Variants in ZFPM1 observed in about 807,000 individuals in gnomAD.
The protein encoded by ZFPM1 is zinc finger protein, FOG family member 1, also known as zinc finger protein ZFPM1.
In ZFPM1, 28 loss-of-function variants were observed where a neutral mutation model predicts 46.3. The ratio of observed to expected loss-of-function variants is 0.60; its 90% CI spans 0.45 to 0.83. ZFPM1 has a LOEUF of 0.83. Among genes scored for constraint, ZFPM1 ranks in the 40% least tolerant of loss-of-function variants. The pLI is 0.00. For synonymous variants in ZFPM1, 957 were observed against 675.9 expected, an observed-to-expected ratio of 1.42 and a Z score of -6.45; for missense variants, 1,878 against 1,432.4, an observed-to-expected ratio of 1.31 and a Z score of -5.02.
chr16:88,468,809 G>C (rs945697229), intron 1 of ZFPM1: 8 of 152,124 alleles, frequency 5.3e-5, no homozygotes, highest in Non-Finnish European at 1.5e-5. Flanking sequence ...CTGCTGTGTG[G>C]GGGCAGGGCC....
intron 1 of ZFPM1, among the ~76,000 whole-genome samples, chr16:88,457,916 G>A (rs987266997): frequency 6.6e-5 from 10 of 152,196 alleles, no homozygotes; most frequent in Non-Finnish European, 1.2e-4. Context: ...GCTCTGGGCC[G>A]ATTGTGGTTT....
At position 88,497,781 on chromosome 16, in the gene ZFPM1, G is replaced by A. The variant is rs1449728716; in HGVS notation, c.268+8628G>A. Among the ~76,000 whole-genome samples the A allele has an allele frequency of 2.0e-5, 3 of 152,178 alleles. No individual in the cohort carries two copies. The highest frequency in any genetic ancestry group is 1.5e-5 in the Non-Finnish European group (1 of 68,014). On this transcript the variant is annotated intron_variant, in intron 3 of 9. Transcript: ENST00000319555. The surrounding 1 kb of genome is among the most constrained non-coding windows in gnomAD (Gnocchi z 5.4). The stretch of plus-strand genomic sequence containing the variant: ...CCGCCCCAGGGTCCCGACAGGGCCC[G>A]CCCGAGGCTGGGAATCCTCACCCGA...
Position 88,532,017 on chromosome 16 carries a change from G to A in ZFPM1, c.728G>A (p.Cys243Tyr). 6.2e-7 allele frequency: 1 copy of A among 1,606,786 alleles called. No individual in the cohort carries two copies. Among genetic ancestry groups the A allele is most frequent in the Non-Finnish European group, 8.5e-7 (1 of 1,175,514 alleles). The change falls in exon 7 of 10, where the codon TGC becomes TAC. Residue 243 changes from cysteine to tyrosine, a missense_variant. Physicochemically the swap from Cys to Tyr is radical, Grantham distance 194. Coordinates refer to ENST00000319555, the MANE Select transcript of ZFPM1 (RefSeq NM_153813.3). ...TAVINKDVFP[C>Y]KDCGIWYRSE... The stretch of plus-strand genomic sequence containing the variant: ...CACCCCACAGAAGACGTCTTCCCCT[G>A]CAAGGACTGTGGCATCTGGTACCGC...
chr16:88,535,982 G>A lies in ZFPM1; in HGVS notation c.*1003G>A, dbSNP rs1388951557. 1 of 151,932 alleles carries A rather than the reference G, an allele frequency of 6.6e-6. No individual in the cohort carries two copies. The highest frequency in any genetic ancestry group is 3.2e-3 in the Middle Eastern group (1 of 316). The allele number at this position is 151,932 out of a possible 1,614,324, so 9.4% of individuals were successfully genotyped here. ...ACGTCACTTTATTTTTTTATTTTTGGGTCTCACTCTCTTGCCCAGGCTGGA... is the reference window on the plus strand; with the variant it reads ...ACGTCACTTTATTTTTTTATTTTTGAGTCTCACTCTCTTGCCCAGGCTGGA... On this transcript the variant is annotated 3_prime_UTR_variant, in exon 10 of 10. Transcript: ENST00000319555.
At chr16:88,491,548 C>T (rs1909575431) in intron 3 of ZFPM1, among the ~76,000 whole-genome samples, 1 of 152,210 alleles carries the variant, frequency 6.6e-6, no homozygotes. Context: ...GTTTGATCGC[C>T]ACCCCAAGGG....
intron 1 of ZFPM1, among the ~76,000 whole-genome samples, chr16:88,466,023 G>A (rs974497616): frequency 1.3e-5 from 2 of 152,226 alleles, no homozygotes; most frequent in Non-Finnish European, 2.9e-5. Flanking sequence ...TGGCCCGGCC[G>A]CTCCCTCGCT....
intron 1 of ZFPM1, among the ~76,000 whole-genome samples, chr16:88,456,904 A>G (rs985991211): frequency 1.3e-5 from 2 of 152,174 alleles, no homozygotes; most frequent in South Asian, 4.1e-4. Flanking sequence ...ACCCTAGGCC[A>G]TCTGGGTAGG....
In ZFPM1 at chr16:88,497,560, G is replaced by A. The variant is rs1409624173; in HGVS notation, c.268+8407G>A. ...ATGGGGTTCAGCGGGGTCAGGGCGG[G>A]GGCTCAGTGCCAGGGACTGCAAGGA... On this transcript the variant is annotated intron_variant, in intron 3 of 9. Transcript: ENST00000319555. This position sits in a 1 kb window ranked among gnomAD's most constrained non-coding sequence, Gnocchi z 5.4. Among the ~76,000 whole-genome samples the A allele has an allele frequency of 6.6e-6, 1 of 152,010 alleles. No individual in the cohort carries two copies. Among genetic ancestry groups the A allele is most frequent in the African/African-American group, 2.4e-5 (1 of 41,378 alleles).
intron 1 of ZFPM1, among the ~76,000 whole-genome samples, chr16:88,484,225 G>A (rs1320977933): frequency 6.6e-6 from 1 of 152,198 alleles, no homozygotes; most frequent in Non-Finnish European, 1.5e-5. Flanking sequence ...GAGGCACCAG[G>A]TTTCATCAGA....
At chr16:88,526,992 T>A (rs935771686) in intron 5 of ZFPM1, 76 bp downstream of exon 5, 2 of 1,489,352 alleles carry the variant, frequency 1.3e-6, no homozygotes, top group African/African-American at 2.8e-5. Context: ...GGCTGAGCCC[T>A]TAAAGGGAAA....
chr16:88,484,037 T>A (rs1257578092), intron 1 of ZFPM1, among the ~76,000 whole-genome samples: 1 of 152,194 alleles, frequency 6.6e-6, no homozygotes, highest in African/African-American at 2.4e-5. Context: ...GGCAGGTGTT[T>A]CGGGCGTTAG....
rs370861545 is a variant in ZFPM1 at position 88,471,418 on chromosome 16, G to T, written c.41-14521G>T. ...CCACAGTGGCTCCCACGCATAGTGG[G>T]GGGGCCAAGACCCCAAGATGACCAT... On this transcript the variant is annotated intron_variant, in intron 1 of 9. Transcript: ENST00000319555. The surrounding 1 kb of genome is among the most constrained non-coding windows in gnomAD (Gnocchi z 4.1). Among the ~76,000 whole-genome samples the T allele has an allele frequency of 6.7e-6, 1 of 148,344 alleles. No homozygotes were observed. The highest frequency in any genetic ancestry group is 6.7e-5 in the Admixed American group (1 of 15,026).
At chr16:88,491,091 CGCTGGTGCCTTCGGGGGTCCCAGTCAGGT>C (rs1555524821) in intron 3 of ZFPM1, among the ~76,000 whole-genome samples, 19 of 150,750 alleles carry the variant, frequency 1.3e-4, no homozygotes, top group East Asian at 9.7e-4. Flanking sequence ...CCCAGTCAGG[CGCTGGTGCCTTCGGGGGTCCCAGTCAGGT>C]GCTGGTGCCT....
At chr16:88,525,907 T>C (rs1430020928) in intron 4 of ZFPM1, among the ~76,000 whole-genome samples, 1 of 152,202 alleles carries the variant, frequency 6.6e-6, no homozygotes, top group Non-Finnish European at 1.5e-5. Flanking sequence ...CCAGAGTGTT[T>C]TCCTTCCAGA....
chr16:88,510,412 G>A (rs1003294482), intron 3 of ZFPM1, among the ~76,000 whole-genome samples: 3 of 152,228 alleles, frequency 2.0e-5, no homozygotes, highest in African/African-American at 7.2e-5. Flanking sequence ...CATCCCCATG[G>A]GGTGTAATCG....
At chr16:88,508,045 C>G (rs1910755010) in intron 3 of ZFPM1, among the ~76,000 whole-genome samples, 1 of 152,164 alleles carries the variant, frequency 6.6e-6, no homozygotes, top group African/African-American at 2.4e-5. Context: ...ACCTGTAATC[C>G]CAGCACTTGG....
intron 1 of ZFPM1, 100 bp from the exon 2 acceptor site, chr16:88,485,839 C>A: frequency 1.8e-6 from 2 of 1,124,268 alleles, no homozygotes; most frequent in Non-Finnish European, 2.6e-6. Context: ...ATTGCCATTT[C>A]CGCCTGGGCA....
chr16:88,500,070 G>A (rs568802563), intron 3 of ZFPM1, among the ~76,000 whole-genome samples: 20 of 152,326 alleles, frequency 1.3e-4, no homozygotes, highest in African/African-American at 4.1e-4. Flanking sequence ...TATCTCGGCC[G>A]CAGGCGCTAA....
At position 88,468,209 on chromosome 16, in the gene ZFPM1, C is replaced by CGTGA. The variant is rs1268688964; in HGVS notation, c.40+14532_40+14533insTGAG. ...GCGAGCCCACCGCCCCTCAAGCACC[C>CGTGA]GCGAGCCCACCGCCCCTCAAGCACC... On this transcript the variant is annotated intron_variant, in intron 1 of 9. Transcript: ENST00000319555. Among the ~76,000 whole-genome samples, 8 of 147,744 alleles carry CGTGA rather than the reference C, an allele frequency of 5.4e-5. 1 individual carries two copies. Among genetic ancestry groups the CGTGA allele is most frequent in the Non-Finnish European group, 1.0e-4 (7 of 66,856 alleles).
Sources: gnomAD v4.1 joint callset for allele counts (sites outside exome capture counted in the v4.1 genomes callset) on GRCh38, gnomAD v4.1.1 for gene constraint, Gnocchi (gnomAD v3.1) non-coding constraint, MANE v1.5 for transcripts, NCBI Gene and HGNC (gene_info 2026-07-23, HGNC 2026-07-21) for gene names.